CREBBP: variants seen among roughly 807,000 people sequenced by gnomAD.
CREBBP encodes the protein CREB-binding protein.
CREBBP carries 19 observed loss-of-function variants against 265.0 expected under a neutral mutation model. That is an observed-to-expected ratio of 0.07 (90% CI 0.05 to 0.11). CREBBP has a LOEUF of 0.11. CREBBP is among the 10% of genes least tolerant of loss of function. CREBBP has a pLI of 1.00. For synonymous variants in CREBBP, 1,457 were observed against 1,223.7 expected (o/e 1.19, Z -3.98); for missense variants, 2,525 against 3,219.0 (o/e 0.78, Z 5.22).
At chr16:3,736,983 C>G (rs956071997) in intron 26 of CREBBP, 168 bp from the exon 27 acceptor site, 1 of 798,274 alleles carries the variant, frequency 1.3e-6, no homozygotes. Context: ...CGAACTTTAT[C>G]CTGAGCAAAT....
Position 3,850,375 on chromosome 16 carries a change from A to C in CREBBP, c.720T>G (p.Ala240=). 6.2e-7 allele frequency: 1 copy of C among 1,614,244 alleles called. No homozygotes were observed. Among genetic ancestry groups the C allele is most frequent in the African/African-American group, 1.3e-5 (1 of 75,064 alleles). Residue 240 remains alanine, a synonymous_variant, in exon 2 of 31, where the codon GCT becomes GCG. Coordinates refer to ENST00000262367, the MANE Select transcript of CREBBP (RefSeq NM_004380.3). ...AMQGASSSVL[A]ETLTQVSPQM... ...GCGGGGAAACCTGCGTTAGGGTCTC[A>C]GCCAGCACGCTGCTCGAGGCGCCCT...
chr16:3,745,928 G>A (rs1386288276), intron 21 of CREBBP, among the ~76,000 whole-genome samples: 5 of 152,230 alleles, frequency 3.3e-5, no homozygotes, highest in East Asian at 1.9e-4. Flanking sequence ...GTTTATTCAA[G>A]TAAACACTGG....
At chr16:3,845,435 G>A (rs2054646565) in intron 2 of CREBBP, among the ~76,000 whole-genome samples, 1 of 152,172 alleles carries the variant, frequency 6.6e-6, no homozygotes, top group Non-Finnish European at 1.5e-5. Context: ...TGTTTGAAAA[G>A]AGAATAAAGT....
intron 14 of CREBBP, among the ~76,000 whole-genome samples, chr16:3,769,740 A>T: frequency 6.6e-6 from 1 of 152,232 alleles, no homozygotes; most frequent in Middle Eastern, 3.2e-3. Flanking sequence ...AAGGGAGGGA[A>T]ATCAAGTGCC....
At chr16:3,756,351 A>G (rs572778840) in intron 19 of CREBBP, among the ~76,000 whole-genome samples, 8 of 152,252 alleles carry the variant, frequency 5.3e-5, no homozygotes, top group South Asian at 2.1e-4. Flanking sequence ...GCAGCGGCAC[A>G]TGGACACTTA....
At chr16:3,800,492 T>A (rs1266841284) in intron 3 of CREBBP, among the ~76,000 whole-genome samples, 2 of 152,120 alleles carry the variant, frequency 1.3e-5, no homozygotes, top group African/African-American at 4.8e-5. Flanking sequence ...GTTTTTTTAA[T>A]TTAGACTTTT....
chr16:3,771,104 T>G (rs1026836386), intron 13 of CREBBP, 118 bp from the exon 14 acceptor site: 21 of 1,089,172 alleles, frequency 1.9e-5, no homozygotes, highest in Middle Eastern at 2.3e-4. Context: ...GTTTCACTCT[T>G]GTCGCCCAGG....
intron 3 of CREBBP, among the ~76,000 whole-genome samples, chr16:3,799,769 T>C (rs1001214364): frequency 1.3e-5 from 2 of 152,146 alleles, no homozygotes; most frequent in Non-Finnish European, 2.9e-5. Context: ...GTCAAAGCCA[T>C]GTGGAGCAGG....
chr16:3,780,620 C>A (rs1315279845), intron 8 of CREBBP, 112 bp downstream of exon 8: 6 of 1,148,636 alleles, frequency 5.2e-6, no homozygotes, highest in East Asian at 2.5e-5. Flanking sequence ...GAGAGTGGCT[C>A]CCTAAATAAG....
chr16:3,819,328 CG>C (rs749817205), intron 2 of CREBBP, among the ~76,000 whole-genome samples: 21 of 152,202 alleles, frequency 1.4e-4, no homozygotes, highest in Non-Finnish European at 2.8e-4. Context: ...CTAAGGGTTG[CG>C]TGAGAACTAA....
At chr16:3,761,626 G>A (rs2052720377) in intron 16 of CREBBP, 1 of 514,776 alleles carries the variant, frequency 1.9e-6, no homozygotes, top group Admixed American at 2.0e-5. Context: ...GGCTGCTTCA[G>A]ACCTCTGACA....
At chr16:3,849,932 T>C (rs2054791337) in intron 2 of CREBBP, among the ~76,000 whole-genome samples, 1 of 152,020 alleles carries the variant, frequency 6.6e-6, no homozygotes, top group Admixed American at 6.6e-5. Context: ...GTGAAATGGA[T>C]ACTGTGCCAA....
At chr16:3,858,947 G>C (rs538965492) in intron 1 of CREBBP, among the ~76,000 whole-genome samples, 2 of 152,228 alleles carry the variant, frequency 1.3e-5, no homozygotes, top group South Asian at 2.1e-4. Context: ...GCTGTTTTGT[G>C]ATGTGTTCAT....
intron 1 of CREBBP, among the ~76,000 whole-genome samples, chr16:3,878,859 C>T (rs2055457121): frequency 6.6e-6 from 1 of 152,208 alleles, no homozygotes; most frequent in Admixed American, 6.5e-5. Context: ...TGAACCAGCG[C>T]AGTGGGACCC....
chr16:3,829,466 G>C (rs994153167), intron 2 of CREBBP, among the ~76,000 whole-genome samples: 19 of 152,218 alleles, frequency 1.2e-4, no homozygotes, highest in Admixed American at 3.9e-4. Flanking sequence ...CTGTAACTAA[G>C]TGTGCAGGAC....
chr16:3,752,301 G>C (rs1169455726), intron 19 of CREBBP, among the ~76,000 whole-genome samples: 4 of 152,078 alleles, frequency 2.6e-5, no homozygotes, highest in Non-Finnish European at 5.9e-5. Context: ...CTGACAAAAG[G>C]CCTTAAAAAA....
intron 3 of CREBBP, among the ~76,000 whole-genome samples, chr16:3,804,208 G>A (rs2053782967): frequency 6.6e-6 from 1 of 152,000 alleles, no homozygotes; most frequent in Non-Finnish European, 1.5e-5. Flanking sequence ...ACCAGGAGTC[G>A]AATGACCAAG....
chr16:3,769,332 T>C lies in CREBBP; in HGVS notation c.2902A>G (p.Ile968Val). 2.5e-6 allele frequency: 4 copies of C among 1,614,232 alleles called. No homozygotes were observed. Among genetic ancestry groups the C allele is most frequent in the Non-Finnish European group, 3.4e-6 (4 of 1,180,040 alleles). ...GAGGGGGTAGGGACTCTGTTATCAA[T>C]GCTGGCTGCTGCCTGGGAAAGCTGT... ...GTPLSQAAAS[I>V]DNRVPTPSSV... is the part of the protein sequence containing the mutation. The change falls in exon 15 of 31, where the codon ATT (isoleucine) becomes GTT (valine). Residue 968 changes from isoleucine to valine, a missense_variant. Ile to Val is a conservative substitution (Grantham distance 29). Coordinates refer to ENST00000262367, the MANE Select transcript of CREBBP (RefSeq NM_004380.3).
At chr16:3,864,211 G>A (rs1341601897) in intron 1 of CREBBP, among the ~76,000 whole-genome samples, 3 of 152,180 alleles carry the variant, frequency 2.0e-5, no homozygotes, top group Non-Finnish European at 2.9e-5. Context: ...GCTGGCAGGC[G>A]GCAACAAGAA....
Sources: gnomAD v4.1 joint callset for allele counts (sites outside exome capture counted in the v4.1 genomes callset) on GRCh38, gnomAD v4.1.1 for gene constraint, MANE v1.5 for transcripts, NCBI Gene and HGNC (gene_info 2026-07-23, HGNC 2026-07-21) for gene names.